The following STK3 variants were observed in gnomAD, a reference collection of about 807,000 sequenced individuals.
The protein encoded by STK3 is serine/threonine-protein kinase 3.
Under a neutral mutation model 58.0 loss-of-function variants are expected in STK3, and 41 were observed. That is an observed-to-expected ratio of 0.71 (90% CI 0.55 to 0.92). STK3 has a LOEUF of 0.92. Ranked by LOEUF, STK3 falls within the 40% of genes least tolerant of loss-of-function variation. STK3 has a pLI of 0.00. For synonymous variants in STK3, 170 were observed against 191.0 expected, an observed-to-expected ratio of 0.89 and a Z score of 0.91; for missense variants, 479 against 602.7, an observed-to-expected ratio of 0.79 and a Z score of 2.15.
intron 6 of STK3, among the ~76,000 whole-genome samples, chr8:98,670,487 C>T (rs187727133): frequency 6.6e-6 from 1 of 152,206 alleles, no homozygotes; most frequent in East Asian, 1.9e-4. Flanking sequence ...CAAATGGAAG[C>T]TCACTAAATA....
intron 4 of STK3, among the ~76,000 whole-genome samples, chr8:98,715,627 A>G (rs1437779001): frequency 5.3e-5 from 8 of 152,308 alleles, no homozygotes; most frequent in Non-Finnish European, 1.2e-4. Context: ...AAAAGTCAGG[A>G]AACAACAAGC....
chr8:98,706,441 T>C, intron 6 of STK3, 26 bp downstream of exon 6: 7 of 1,593,208 alleles, frequency 4.4e-6, no homozygotes, highest in South Asian at 1.2e-5. Context: ...AAGGCTAACA[T>C]TTTCAGCAAA....
chr8:98,467,464 A>G lies in STK3; in HGVS notation c.1318-11464T>C, dbSNP rs118094794. On this transcript the variant is annotated intron_variant, in intron 10 of 10. Coordinates refer to ENST00000419617, the MANE Select transcript of STK3 (RefSeq NM_006281.4). ...CGGGTACTTAACACCTGCTGTTTTC[A>G]GCTGTGGACTCTACTAACAATTTTG... 8.2e-3 allele frequency among the ~76,000 whole-genome samples: 1,244 copies of G among 152,126 alleles called. 12 individuals are homozygous for G. The highest frequency in any genetic ancestry group is 0.011 in the Non-Finnish European group (750 of 67,992).
intron 4 of STK3, among the ~76,000 whole-genome samples, chr8:98,720,826 T>C (rs1587417092): frequency 6.6e-6 from 1 of 151,178 alleles, no homozygotes; most frequent in Non-Finnish European, 1.5e-5. Flanking sequence ...TATCTGACAG[T>C]CATTAAAGCA....
chr8:98,540,682 C>T (rs531579951), intron 9 of STK3, among the ~76,000 whole-genome samples: 44 of 152,144 alleles, frequency 2.9e-4, no homozygotes, highest in African/African-American at 7.7e-4. Context: ...CAACCACTGC[C>T]GTGTGCCCCT....
At chr8:98,396,950 T>G (rs140597005), downstream of STK3, among the ~76,000 whole-genome samples, 1 of 152,336 alleles carries the variant, frequency 6.6e-6, no homozygotes, top group Non-Finnish European at 1.5e-5. Context: ...ATTAATTAGT[T>G]TAATCCTTGA....
chr8:98,756,678 C>T (rs1830305967), intron 3 of STK3, among the ~76,000 whole-genome samples: 2 of 152,156 alleles, frequency 1.3e-5, no homozygotes, highest in African/African-American at 4.8e-5. Context: ...TTTCTGTATT[C>T]TTGATGCTTT....
downstream of STK3, among the ~76,000 whole-genome samples, chr8:98,453,656 CAT>C (rs949754324): frequency 1.3e-5 from 2 of 152,118 alleles, no homozygotes; most frequent in African/African-American, 2.4e-5. Context: ...GAACACTTGA[CAT>C]ATTAAAAGGA....
chr8:98,805,398 A>T (rs1833834236), intron 1 of STK3, among the ~76,000 whole-genome samples: 1 of 152,110 alleles, frequency 6.6e-6, no homozygotes, highest in African/African-American at 2.4e-5. Flanking sequence ...AAAATGGTGA[A>T]ACCCCGTCTC....
chr8:98,768,584 T>C lies in STK3; in HGVS notation c.108-1213A>G, dbSNP rs1489430591. Reference sequence around the variant, plus strand: ...TGTGTGTATCTCCCCTTGAAAGCCATATGTGTGTATGTGTGTATATTCCCT... The same window carrying C: ...TGTGTGTATCTCCCCTTGAAAGCCACATGTGTGTATGTGTGTATATTCCCT... On this transcript the variant is annotated intron_variant, in intron 2 of 10. Coordinates refer to ENST00000419617, the MANE Select transcript of STK3 (RefSeq NM_006281.4). Among the ~76,000 whole-genome samples the C allele has an allele frequency of 2.0e-5, 3 of 152,132 alleles. No homozygotes were observed. In the East Asian group the frequency reaches 5.8e-4, roughly 29 times the overall value.
At chr8:98,569,814 A>G (rs1431798570) in intron 8 of STK3, among the ~76,000 whole-genome samples, 1 of 151,578 alleles carries the variant, frequency 6.6e-6, no homozygotes, top group African/African-American at 2.4e-5. Context: ...AAATAATTTT[A>G]TCTGAAATAT....
chr8:98,914,148 AT>A (rs1159837336), intron 1 of STK3, among the ~76,000 whole-genome samples: 1 of 152,084 alleles, frequency 6.6e-6, no homozygotes, highest in African/African-American at 2.4e-5. Context: ...AAGATAAAAA[AT>A]ATATTAAAAA....
the STK3 span, among the ~76,000 whole-genome samples, chr8:98,355,399 G>T: frequency 7.9e-5 from 12 of 152,326 alleles, no homozygotes; most frequent in Non-Finnish European, 1.6e-4. Context: ...ATACAGACTA[G>T]CTGTTTCTGA....
At chr8:98,638,094 A>C (rs1819754621) in intron 6 of STK3, among the ~76,000 whole-genome samples, 1 of 152,160 alleles carries the variant, frequency 6.6e-6, no homozygotes, top group Admixed American at 6.6e-5. Flanking sequence ...ATTTTTTGAA[A>C]GTTATAATGT....
intron 6 of STK3, among the ~76,000 whole-genome samples, chr8:98,657,827 G>T (rs1433930732): frequency 1.3e-5 from 2 of 151,844 alleles, no homozygotes; most frequent in Non-Finnish European, 2.9e-5. Flanking sequence ...AATAAAAATG[G>T]AAATAAAACT....
At chr8:98,657,847 GTC>G (rs1398907006) in intron 6 of STK3, among the ~76,000 whole-genome samples, 1 of 152,006 alleles carries the variant, frequency 6.6e-6, no homozygotes, top group East Asian at 1.9e-4. Context: ...TAGAATAACA[GTC>G]TACCTACCAC....
At chr8:98,431,740 G>C in intron 3 of STK3, 1 of 167,236 alleles carries the variant, frequency 6.0e-6, no homozygotes. Flanking sequence ...AGATGTGAAA[G>C]CTGGAAAACT....
chr8:98,488,573 G>A (rs1822450307), intron 10 of STK3, among the ~76,000 whole-genome samples: 1 of 152,152 alleles, frequency 6.6e-6, no homozygotes, highest in South Asian at 2.1e-4. Context: ...AACCTCGTCT[G>A]CTAGGCACTG....
intron 4 of STK3, among the ~76,000 whole-genome samples, chr8:98,708,236 T>A (rs951243610): frequency 2.1e-4 from 32 of 152,120 alleles, no homozygotes; most frequent in Non-Finnish European, 3.7e-4. Context: ...TTCCCACATC[T>A]TCTAATACTG....
Sources: gnomAD v4.1 joint callset for allele counts (sites outside exome capture counted in the v4.1 genomes callset) on GRCh38, gnomAD v4.1.1 for gene constraint, MANE v1.5 for transcripts, NCBI Gene and HGNC (gene_info 2026-07-23, HGNC 2026-07-21) for gene names.